The following CCDC192 variants were observed in gnomAD, a reference collection of about 807,000 sequenced individuals.
CCDC192 encodes coiled-coil domain containing 192.
chr5:127,830,173 A>AT (rs1163600622), intron 5 of CCDC192, among the ~76,000 whole-genome samples: 3 of 152,032 alleles, frequency 2.0e-5, no homozygotes, highest in Non-Finnish European at 4.4e-5. Flanking sequence ...CTCAAAAAAA[A>AT]AATCAAGGAT....
rs182566680 is a variant in CCDC192 at position 127,808,534 on chromosome 5, C to T, written c.411+10372C>T. 6.6e-5 allele frequency among the ~76,000 whole-genome samples: 10 copies of T among 152,246 alleles called. No homozygotes were observed. The East Asian group carries it at 1.3e-3, about 21-fold the overall frequency. On this transcript the variant is annotated intron_variant, in intron 5 of 6. Coordinates refer to ENST00000514853, the MANE Select transcript of CCDC192 (RefSeq NM_001317938.2). Reference sequence around the variant, plus strand: ...TCTCCTGATACTCTCCCGCTACCTTCTACTGCTAGTTGACACCCAGTGATG... The same window carrying T: ...TCTCCTGATACTCTCCCGCTACCTTTTACTGCTAGTTGACACCCAGTGATG...
At chr5:127,731,255 C>A (rs1462419192) in intron 2 of CCDC192, among the ~76,000 whole-genome samples, 10 of 152,160 alleles carry the variant, frequency 6.6e-5, no homozygotes, top group African/African-American at 1.2e-4. Context: ...TGAATGAACT[C>A]CTGTTCACAA....
At chr5:127,742,544 A>G (rs1753482452) in intron 2 of CCDC192, among the ~76,000 whole-genome samples, 1 of 152,178 alleles carries the variant, frequency 6.6e-6, no homozygotes, top group Admixed American at 6.5e-5. Flanking sequence ...AGGTCACCTG[A>G]TAAAACATTC....
intron 2 of CCDC192, among the ~76,000 whole-genome samples, chr5:127,717,539 T>C (rs1391369109): frequency 6.6e-6 from 1 of 152,168 alleles, no homozygotes; most frequent in Non-Finnish European, 1.5e-5. Context: ...AAATTTCAAT[T>C]AATTTAATTT....
intron 3 of CCDC192, among the ~76,000 whole-genome samples, chr5:127,791,627 G>A (rs952355640): frequency 5.3e-5 from 8 of 152,184 alleles, no homozygotes; most frequent in African/African-American, 9.7e-5. Flanking sequence ...AGAGACTTCA[G>A]TAACCATACA....
intron 6 of CCDC192, among the ~76,000 whole-genome samples, chr5:127,884,580 C>G: frequency 6.6e-6 from 1 of 152,026 alleles, no homozygotes. Flanking sequence ...CTGCTCATAC[C>G]ACTTTCTAAC....
chr5:127,781,841 C>G (rs1237227178), intron 3 of CCDC192, among the ~76,000 whole-genome samples: 1 of 152,078 alleles, frequency 6.6e-6, no homozygotes, highest in African/African-American at 2.4e-5. Context: ...TTTCTTTTGT[C>G]TGATTGCCCT....
rs1358825790 is a variant in CCDC192 at position 127,939,188 on chromosome 5, GCTCAATGCAAC to G, written c.536-1991_536-1981del. Among the ~76,000 whole-genome samples, 8 of 123,878 alleles carry G rather than the reference GCTCAATGCAAC, an allele frequency of 6.5e-5. No individual in the cohort carries two copies. In the Middle Eastern group the frequency reaches 0.032, roughly 503 times the overall value. 81.3% of individuals were successfully genotyped at this position (123,878 alleles called of 152,430 possible). A position where few individuals can be genotyped will look rare whatever the true frequency, so the allele number is the denominator to read the frequency against. On this transcript the variant is annotated intron_variant, in intron 6 of 6. Transcript: ENST00000514853. ...GCTGGAATGCTGTGGCACAATCTCA[GCTCAATGCAAC>G]CTGCAACTCCCAGGTTGAAGTGATT...
chr5:127,895,942 G>T (rs565055875), intron 6 of CCDC192, among the ~76,000 whole-genome samples: 1 of 152,120 alleles, frequency 6.6e-6, no homozygotes, highest in South Asian at 2.1e-4. Flanking sequence ...CAGGCAATTG[G>T]TTTCGTATAA....
At chr5:127,721,144 G>C (rs561697034) in intron 2 of CCDC192, among the ~76,000 whole-genome samples, 2 of 152,290 alleles carry the variant, frequency 1.3e-5, no homozygotes, top group Non-Finnish European at 2.9e-5. Flanking sequence ...ACGTGGCTGG[G>C]CTGCAAATTT....
At chr5:127,907,483 T>A (rs1048431801) in intron 6 of CCDC192, among the ~76,000 whole-genome samples, 1 of 151,970 alleles carries the variant, frequency 6.6e-6, no homozygotes, top group Admixed American at 6.6e-5. Flanking sequence ...AAAAAACTAT[T>A]CTAATTATTT....
At chr5:127,821,025 A>G (rs114787441) in intron 5 of CCDC192, among the ~76,000 whole-genome samples, 305 of 151,748 alleles carry the variant, frequency 2.0e-3, no homozygotes, top group African/African-American at 6.8e-3. Flanking sequence ...TCCACACACT[A>G]CATGTACACA....
At chr5:127,760,511 T>C (rs999557240) in intron 3 of CCDC192, among the ~76,000 whole-genome samples, 2 of 151,706 alleles carry the variant, frequency 1.3e-5, no homozygotes, top group Non-Finnish European at 2.9e-5. Flanking sequence ...CATCTCGCTT[T>C]AGTACCAGAT....
At chr5:127,769,953 AG>A (rs1284980510) in intron 3 of CCDC192, among the ~76,000 whole-genome samples, 1 of 152,188 alleles carries the variant, frequency 6.6e-6, no homozygotes, top group Non-Finnish European at 1.5e-5. Context: ...AAACGGAAAG[AG>A]GGAGGGAGGA....
intron 4 of CCDC192, among the ~76,000 whole-genome samples, chr5:127,797,835 C>T (rs1757266606): frequency 6.9e-6 from 1 of 144,160 alleles, no homozygotes. Context: ...GGGGCATTTG[C>T]ATTAACCGTA....
At chr5:127,706,047 CTAAG>C (rs142981526) in intron 1 of CCDC192, among the ~76,000 whole-genome samples, 4,882 of 152,190 alleles carry the variant, frequency 0.032, 251 homozygotes, top group African/African-American at 0.11. Flanking sequence ...TCTCCTTCCA[CTAAG>C]TGAGAACTTA....
At chr5:127,850,451 C>T (rs1750744018) in intron 5 of CCDC192, among the ~76,000 whole-genome samples, 1 of 152,106 alleles carries the variant, frequency 6.6e-6, no homozygotes, top group African/African-American at 2.4e-5. Context: ...ATTTTAGCTT[C>T]CCAGAATTTG....
chr5:127,886,633 A>G (rs1209234963), intron 6 of CCDC192, among the ~76,000 whole-genome samples: 1 of 152,246 alleles, frequency 6.6e-6, no homozygotes, highest in African/African-American at 2.4e-5. Context: ...AGAATACAGT[A>G]TATGATACAT....
chr5:127,903,378 G>T (rs1471662864), intron 6 of CCDC192, among the ~76,000 whole-genome samples: 1 of 152,032 alleles, frequency 6.6e-6, no homozygotes, highest in African/African-American at 2.4e-5. Context: ...GAGTAGCTGG[G>T]ATTACAGGCA....
Sources: allele counts gnomAD v4.1 joint callset (sites outside exome capture counted in the v4.1 genomes callset), GRCh38; gene constraint gnomAD v4.1.1; transcripts MANE v1.5; gene names NCBI Gene and HGNC (gene_info 2026-07-23, HGNC 2026-07-21).